Variants in DOCK7 observed in about 807,000 individuals in gnomAD.
DOCK7 encodes the protein dedicator of cytokinesis 7.
A neutral mutation model predicts 271.0 loss-of-function variants in DOCK7; 138 were observed. The observed-to-expected ratio is 0.51, with a 90% confidence interval of 0.44 to 0.59. DOCK7 has a LOEUF of 0.59. Ranked by LOEUF, DOCK7 falls within the 20% of genes least tolerant of loss-of-function variation. DOCK7 has a pLI of 0.00. For synonymous variants in DOCK7, 823 were observed against 876.1 expected (o/e 0.94, Z 1.07); for missense variants, 2,066 against 2,592.4 (o/e 0.80, Z 4.41).
At chr1:62,617,254 G>T (rs1652556459) in intron 14 of DOCK7, among the ~76,000 whole-genome samples, 1 of 151,904 alleles carries the variant, frequency 6.6e-6, no homozygotes, top group Non-Finnish European at 1.5e-5. Flanking sequence ...AGGTTTTACA[G>T]AGAGTTTTAG....
intron 14 of DOCK7, among the ~76,000 whole-genome samples, chr1:62,592,444 C>T (rs1219433881): frequency 6.6e-6 from 1 of 152,050 alleles, no homozygotes; most frequent in Non-Finnish European, 1.5e-5. Flanking sequence ...TAAGCCAGAA[C>T]ATTTATAAGA....
At chr1:62,544,854 A>T in intron 23 of DOCK7, 93 bp downstream of exon 23, 1 of 997,408 alleles carries the variant, frequency 1.0e-6, no homozygotes, top group Non-Finnish European at 1.4e-6. Context: ...GATTAAAAAA[A>T]GCAAGCCACT....
At chr1:62,630,459 C>T (rs1008926531) in intron 11 of DOCK7, among the ~76,000 whole-genome samples, 9 of 152,114 alleles carry the variant, frequency 5.9e-5, no homozygotes, top group South Asian at 2.1e-4. Context: ...GGGTCCCGCA[C>T]GACAGGCAGG....
chr1:62,671,918 T>G (rs1014830478), intron 1 of DOCK7, among the ~76,000 whole-genome samples: 6 of 145,492 alleles, frequency 4.1e-5, no homozygotes, highest in African/African-American at 1.5e-4. Flanking sequence ...TACTATTACA[T>G]AAAGTTACTA....
At chr1:62,530,043 T>C (rs1645128236) in intron 29 of DOCK7, among the ~76,000 whole-genome samples, 1 of 152,224 alleles carries the variant, frequency 6.6e-6, no homozygotes, top group African/African-American at 2.4e-5. Context: ...AGGGTCACTT[T>C]CACTTAAACA....
chr1:62,486,096 T>A (rs1309997216), intron 43 of DOCK7: 1 of 152,134 alleles, frequency 6.6e-6, no homozygotes, highest in Non-Finnish European at 1.5e-5. Context: ...GTTAGGAAAT[T>A]TATAAGGAGT....
chr1:62,651,144 A>G (rs796263401), intron 4 of DOCK7, among the ~76,000 whole-genome samples: 38 of 140,812 alleles, frequency 2.7e-4, no homozygotes, highest in African/African-American at 5.5e-4. Context: ...TGTCCTTTGT[A>G]GGGACATGGA....
chr1:62,563,530 C>T (rs1646403529), intron 18 of DOCK7, among the ~76,000 whole-genome samples: 1 of 151,778 alleles, frequency 6.6e-6, no homozygotes. Context: ...CCAAAACAAA[C>T]AAACAAAAAA....
chr1:62,527,287 T>TA (rs903219970), intron 31 of DOCK7, among the ~76,000 whole-genome samples: 1 of 151,980 alleles, frequency 6.6e-6, no homozygotes, highest in Non-Finnish European at 1.5e-5. Flanking sequence ...ATTCACAGAT[T>TA]AAAAAAACCC....
intron 12 of DOCK7, among the ~76,000 whole-genome samples, chr1:62,624,515 AGCACAAAAT>A (rs952328663): frequency 6.6e-6 from 1 of 152,226 alleles, no homozygotes; most frequent in Non-Finnish European, 1.5e-5. Context: ...ACCTCATTTT[AGCACAAAAT>A]GCACTCCTAG....
chr1:62,687,854 C>A (rs1404932458), intron 1 of DOCK7, among the ~76,000 whole-genome samples: 1 of 152,140 alleles, frequency 6.6e-6, no homozygotes. Flanking sequence ...GCCGCGGCGG[C>A]CCCCGACGAG....
At chr1:62,477,432 C>T (rs576081411) in intron 44 of DOCK7, among the ~76,000 whole-genome samples, 30 of 152,100 alleles carry the variant, frequency 2.0e-4, no homozygotes, top group African/African-American at 3.6e-4. Flanking sequence ...TATATTTCTC[C>T]GTTAAGTCGC....
intron 15 of DOCK7, 36 bp downstream of exon 15, chr1:62,586,471 T>C: frequency 6.8e-7 from 1 of 1,475,846 alleles, no homozygotes; most frequent in South Asian, 1.2e-5. Flanking sequence ...TTGAACTTAA[T>C]ACAAAAAATT....
intron 18 of DOCK7, among the ~76,000 whole-genome samples, chr1:62,568,282 G>A (rs984132227): frequency 2.0e-5 from 3 of 151,832 alleles, no homozygotes; most frequent in African/African-American, 7.3e-5. Flanking sequence ...GCACTAAAAT[G>A]CCCACATTAA....
At chr1:62,493,291 G>GA (rs1245910352) in intron 40 of DOCK7, among the ~76,000 whole-genome samples, 1 of 152,066 alleles carries the variant, frequency 6.6e-6, no homozygotes, top group East Asian at 1.9e-4. Flanking sequence ...AATGAGATTG[G>GA]AATCAGCCAT....
intron 42 of DOCK7, 73 bp downstream of exon 42, chr1:62,488,861 C>G: frequency 6.4e-7 from 1 of 1,573,036 alleles, no homozygotes; most frequent in Non-Finnish European, 8.7e-7. Context: ...AGTTTGACAT[C>G]AGTGCAAAAC....
chr1:62,602,286 T>C (rs1264729676), intron 14 of DOCK7: 6 of 1,602,832 alleles, frequency 3.7e-6, no homozygotes, highest in Non-Finnish European at 5.1e-6. Context: ...TATATTCAGG[T>C]AGTCCATGGA....
rs1646368803 is a variant in DOCK7 at position 62,488,714 on chromosome 1, T to C, written c.5493+220A>G. 3 of 546,110 alleles carry C rather than the reference T, an allele frequency of 5.5e-6. No individual in the cohort carries two copies. In the South Asian group the frequency reaches 6.0e-5, roughly 11 times the overall value. 33.8% of individuals were successfully genotyped at this position (546,110 alleles called of 1,614,324 possible). On this transcript the variant is annotated intron_variant, in intron 42 of 49. Coordinates refer to ENST00000635253, the MANE Select transcript of DOCK7 (RefSeq NM_001367561.1). ...TAATTCAAAAATGAAAAAAAAAAGC[T>C]ATGCAGAAAGTTTATGATGATCACC...
intron 31 of DOCK7, among the ~76,000 whole-genome samples, chr1:62,520,505 C>T (rs1206080340): frequency 6.6e-6 from 1 of 152,168 alleles, no homozygotes; most frequent in Non-Finnish European, 1.5e-5. Flanking sequence ...AAAAGCTCAT[C>T]ATCACTGGTC....
Sources: gnomAD v4.1 joint callset for allele counts (sites outside exome capture counted in the v4.1 genomes callset) on GRCh38, gnomAD v4.1.1 for gene constraint, MANE v1.5 for transcripts, NCBI Gene and HGNC (gene_info 2026-07-23, HGNC 2026-07-21) for gene names.